The following MYOG variants were observed in gnomAD, a reference collection of about 807,000 sequenced individuals.
MYOG encodes the protein myogenin.
MYOG carries 6 observed loss-of-function variants against 17.7 expected under a neutral mutation model. The observed-to-expected ratio is 0.34, with a 90% CI of 0.19 to 0.67. The LOEUF (loss-of-function observed/expected upper bound fraction) is 0.67, where lower values mean the gene tolerates loss of function less well. Among genes scored for constraint, MYOG ranks in the 30% least tolerant of loss-of-function variants. The pLI, the probability that MYOG is intolerant of heterozygous loss-of-function variation, is 0.69. For missense variants in MYOG, 272 were observed against 302.0 expected (o/e 0.90, Z 0.74); for synonymous variants, 125 against 130.2 (o/e 0.96, Z 0.27).
rs1653557278 is a variant in MYOG, at chr1:203,083,950, T to A, written c.635A>T (p.Asp212Val). The change falls in exon 3 of 3, where the codon GAT becomes GTT. Residue 212 changes from aspartate to valine, a missense_variant. Transcript: ENST00000241651. ...TTCATCTGGGAAGGCCACAGACACA[T>A]CTTCCACTGTGATGCTGTCCACGAT... ...TSIVDSITVE[D>V]VSVAFPDETM... 6.3e-7 allele frequency: 1 copy of A among 1,591,622 alleles called. No individual in the cohort carries two copies. Among genetic ancestry groups the A allele is most frequent in the Admixed American group, 1.8e-5 (1 of 56,334 alleles).
rs1373141177 is a variant in MYOG at position 203,083,678 on chromosome 1, G to T, written c.*232C>A. 1 of 628,826 alleles carries T rather than the reference G, an allele frequency of 1.6e-6. No individual in the cohort carries two copies. The highest frequency in any genetic ancestry group is 1.8e-5 in the African/African-American group (1 of 54,678). The allele number at this position is 628,826 out of a possible 1,614,324, so 39.0% of individuals were successfully genotyped here. On this transcript the variant is annotated 3_prime_UTR_variant, in exon 3 of 3. Coordinates refer to ENST00000241651, the MANE Select transcript of MYOG (RefSeq NM_002479.6). ...TCTGGTCCCCTGCTTTACCTCCCTG[G>T]AAAGGGGATGCCCTCTCCTCTAAGG...
chr1:203,084,983 G>A (rs907301370), intron 1 of MYOG, among the ~76,000 whole-genome samples: 36 of 152,222 alleles, frequency 2.4e-4, no homozygotes, highest in African/African-American at 8.7e-4. Flanking sequence ...CCAGCTTAAA[G>A]GGGTCCCTGG....
At position 203,083,388 on chromosome 1, in the gene MYOG, A is replaced by G. The variant is rs758714409; in HGVS notation, c.*522T>C. On this transcript the variant is annotated 3_prime_UTR_variant, in exon 3 of 3. Transcript: ENST00000241651. ...ACATAAAACCACTGGAAGGTTCCCA[A>G]TATTCACTGCAAAAGTTTGGCCCCC... 23 of 301,462 alleles carry G rather than the reference A, an allele frequency of 7.6e-5. No homozygotes were observed. The highest frequency in any genetic ancestry group is 1.5e-4 in the South Asian group (1 of 6,610). The allele number at this position is 301,462 out of a possible 1,614,324, so 18.7% of individuals were successfully genotyped here. A position where few individuals can be genotyped will look rare whatever the true frequency, so the allele number is the denominator to read the frequency against.
chr1:203,083,487 C>T lies in MYOG; in HGVS notation c.*423G>A, dbSNP rs1653538467. The T allele has an allele frequency of 2.4e-6, 1 of 417,618 alleles. No individual in the cohort carries two copies. The highest frequency in any genetic ancestry group is 3.9e-5 in the Admixed American group (1 of 25,736). 25.9% of individuals were successfully genotyped at this position (417,618 alleles called of 1,614,324 possible). The stretch of plus-strand genomic sequence containing the variant: ...ATTCAGGGCAGGCCCAGCCCAGCCA[C>T]TGGCATCGGGAAGAGACCAGAACAG... On this transcript the variant is annotated 3_prime_UTR_variant, in exon 3 of 3. Transcript: ENST00000241651.
At position 203,083,990 on chromosome 1, in the gene MYOG, G is replaced by A. The variant is rs150286922; in HGVS notation, c.595C>T (p.His199Tyr). The A allele has an allele frequency of 1.8e-5, 28 of 1,594,832 alleles. No homozygotes were observed. Among genetic ancestry groups the A allele is most frequent in the East Asian group, 4.5e-5 (2 of 44,436 alleles). The part of the protein sequence containing the change: ...TADPTDAHNL[H>Y]SLTSIVDSIT... ...CTGTCCACGATGGAGGTGAGGGAGT[G>A]CAGGTTGTGGGCATCTGTAGGGTCA... The change falls in exon 3 of 3, where the codon CAC becomes TAC. Residue 199 changes from histidine to tyrosine, a missense_variant. His to Tyr is a moderately conservative substitution (Grantham distance 83). Coordinates refer to ENST00000241651, the MANE Select transcript of MYOG (RefSeq NM_002479.6).
chr1:203,083,495 G>A lies in MYOG; in HGVS notation c.*415C>T, dbSNP rs567315421. The A allele has an allele frequency of 1.1e-4, 46 of 419,240 alleles. No homozygotes were observed. In the Admixed American group the frequency reaches 1.2e-3, roughly 11 times the overall value. 26.0% of individuals were successfully genotyped at this position (419,240 alleles called of 1,614,324 possible). Reference sequence around the variant, plus strand: ...CAGGCCCAGCCCAGCCACTGGCATCGGGAAGAGACCAGAACAGGAGACGTG... The same window carrying A: ...CAGGCCCAGCCCAGCCACTGGCATCAGGAAGAGACCAGAACAGGAGACGTG... On this transcript the variant is annotated 3_prime_UTR_variant, in exon 3 of 3. Transcript: ENST00000241651.
In MYOG at chr1:203,083,830, A is replaced by G; in HGVS notation, c.*80T>C. 6.5e-7 allele frequency: 1 copy of G among 1,544,870 alleles called. No individual in the cohort carries two copies. Among genetic ancestry groups the G allele is most frequent in the South Asian group, 1.2e-5 (1 of 82,948 alleles). ...TCCTAGCATCAGGGCAGCCTGGCTT[A>G]GGAGGCCCCTGCTACAGAAGTAGTG... On this transcript the variant is annotated 3_prime_UTR_variant, in exon 3 of 3. Coordinates refer to ENST00000241651, the MANE Select transcript of MYOG (RefSeq NM_002479.6).
rs760508090 is a variant in MYOG at position 203,085,905 on chromosome 1, C to T, written c.57G>A (p.Gly19=). 35 of 1,610,324 alleles carry T rather than the reference C, an allele frequency of 2.2e-5. No homozygotes were observed. The highest frequency in any genetic ancestry group is 3.0e-5 in the Non-Finnish European group (35 of 1,178,546). ...YFYQEPRFYD[G]ENYLPVHLQG... ...GGAGGTGGACAGGCAGGTAGTTTTC[C>T]CCATCATAGAAGCGGGGTTCCTGGT... Residue 19 remains glycine, a synonymous_variant, in exon 1 of 3, where the codon GGG becomes GGA. Coordinates refer to ENST00000241651, the MANE Select transcript of MYOG (RefSeq NM_002479.6).
rs1653555120 is a variant in MYOG, at chr1:203,083,913, G to A, written c.672C>T (p.Asn224=). 1.9e-6 allele frequency: 3 copies of A among 1,589,072 alleles called. No individual in the cohort carries two copies. The highest frequency in any genetic ancestry group is 1.1e-5 in the South Asian group (1 of 87,018). The change falls in exon 3 of 3, where the codon AAC becomes AAT. Residue 224 remains asparagine (N), a synonymous_variant. Coordinates refer to ENST00000241651, the MANE Select transcript of MYOG (RefSeq NM_002479.6). The part of the protein sequence containing the change: ...SVAFPDETMP[N] ...ATGCCCGGCTTGGAAGACAATCTCA[G>A]TTGGGCATGGTTTCATCTGGGAAGG...
Position 203,083,736 on chromosome 1 carries a change from TG to T in MYOG, c.*173del, listed in dbSNP as rs1433537492. 1.5e-5 allele frequency: 14 copies of T among 954,140 alleles called. No individual in the cohort carries two copies. The highest frequency in any genetic ancestry group is 7.5e-5 in the Admixed American group (3 of 39,776). The allele number at this position is 954,140 out of a possible 1,614,324, so 59.1% of individuals were successfully genotyped here. A position where few individuals can be genotyped will look rare whatever the true frequency, so the allele number is the denominator to read the frequency against. On this transcript the variant is annotated 3_prime_UTR_variant, in exon 3 of 3. Transcript: ENST00000241651. ...TGAATGAGGGCGTCCAGTCCCTTGC[TG>T]GGGGGTGGGTTAACCTTACATGGAT... is the stretch of plus-strand genomic sequence containing the variant.
In MYOG at chr1:203,083,602, A is replaced by G. The variant is rs902812647; in HGVS notation, c.*308T>C. 9 of 534,280 alleles carry G rather than the reference A, an allele frequency of 1.7e-5. No individual in the cohort carries two copies. The highest frequency in any genetic ancestry group is 5.6e-5 in the East Asian group (2 of 35,592). The allele number at this position is 534,280 out of a possible 1,614,324, so 33.1% of individuals were successfully genotyped here. On this transcript the variant is annotated 3_prime_UTR_variant, in exon 3 of 3. Transcript: ENST00000241651. ...GAATTAGAGGCCGCGTTATGATAAA[A>G]AGGAAGCTCCTGAGTTTGCCCCCTG...
rs970704623 is a variant in MYOG, at chr1:203,085,545, G to A, written c.417C>T (p.Leu139=). 1 of 1,614,142 alleles carries A rather than the reference G, an allele frequency of 6.2e-7. No individual in the cohort carries two copies. Among genetic ancestry groups the A allele is most frequent in the South Asian group, 1.1e-5 (1 of 91,090 alleles). ...IERLQALLSS[L]NQEERDLRYR... is the part of the protein sequence containing the mutation. ...AGCGGAGGTCACGCTCCTCCTGGTT[G>A]AGGGAGCTGAGCAGGGCCTGGAGGC... Residue 139 remains leucine, a synonymous_variant, in exon 1 of 3, where the codon CTC becomes CTT. Coordinates refer to ENST00000241651, the MANE Select transcript of MYOG (RefSeq NM_002479.6).
At position 203,084,055 on chromosome 1, in the gene MYOG, G is replaced by T. The variant is rs781057906; in HGVS notation, c.554-24C>A. 19 of 1,588,890 alleles carry T rather than the reference G, an allele frequency of 1.2e-5. No individual in the cohort carries two copies. In the Admixed American group the frequency reaches 3.4e-4, roughly 28 times the overall value. On this transcript the variant is annotated intron_variant, in intron 2 of 2. Coordinates refer to ENST00000241651, the MANE Select transcript of MYOG (RefSeq NM_002479.6). ...ATCTGTAAGGGGAGGTGGGAAGGTGGTACCTGGGTGAGCAGTGGGGGTTCT... is the reference window on the plus strand; with the variant it reads ...ATCTGTAAGGGGAGGTGGGAAGGTGTTACCTGGGTGAGCAGTGGGGGTTCT...
At position 203,085,787 on chromosome 1, in the gene MYOG, C is replaced by T. The variant is rs747439725; in HGVS notation, c.175G>A (p.Glu59Lys). ...GGCAGGCACTGGCCTGGACAGTGCT[C>T]GGGGGTCCCCAGCCCCTTGTCCTCA... ...PLEDKGLGTP[E>K]HCPGQCLPWA... is the part of the protein sequence containing the mutation. The change falls in exon 1 of 3, where the codon GAG becomes AAG. Residue 59 changes from glutamate (E) to lysine (K), a missense_variant. Transcript: ENST00000241651. 1.2e-5 allele frequency: 20 copies of T among 1,613,718 alleles called. No individual in the cohort carries two copies. Among genetic ancestry groups the T allele is most frequent in the Admixed American group, 1.2e-4 (7 of 59,994 alleles).
Position 203,085,871 on chromosome 1 carries a change from C to T in MYOG, c.91G>A (p.Glu31Lys), listed in dbSNP as rs768292063. The T allele has an allele frequency of 1.9e-5, 30 of 1,613,786 alleles. No individual in the cohort carries two copies. The highest frequency in any genetic ancestry group is 1.8e-4 in the Admixed American group (11 of 59,964). The change falls in exon 1 of 3, where the codon GAA becomes AAA. Residue 31 changes from glutamate to lysine, a missense_variant. Physicochemically the swap from Glu to Lys is moderately conservative, Grantham distance 56 (BLOSUM62 1). Transcript: ENST00000241651. ...NYLPVHLQGFEPPGYERTELT... is the reference protein window; with the variant it reads ...NYLPVHLQGFKPPGYERTELT... ...TCCGTCCGCTCGTAGCCTGGTGGTT[C>T]GAAGCCCTGGAGGTGGACAGGCAGG... is the stretch of plus-strand genomic sequence containing the variant.
intron 2 of MYOG, among the ~76,000 whole-genome samples, 159 bp from the exon 3 acceptor site, chr1:203,084,190 C>CTGTG (rs1179050983): frequency 2.6e-4 from 19 of 73,942 alleles, no homozygotes; most frequent in African/African-American, 8.9e-4. Context: ...TCCCCATGCT[C>CTGTG]TGTGAGTGTG....
At chr1:203,085,380 C>T in intron 1 of MYOG, 111 bp downstream of exon 1, 1 of 1,030,120 alleles carries the variant, frequency 9.7e-7, no homozygotes, top group South Asian at 1.7e-5. Context: ...CCCCTCGACC[C>T]TGTCTGGCAC....
At position 203,083,377 on chromosome 1, in the gene MYOG, G is replaced by T. The variant is rs1278368096; in HGVS notation, c.*533C>A. The T allele has an allele frequency of 3.6e-6, 1 of 278,444 alleles. No individual in the cohort carries two copies. The highest frequency in any genetic ancestry group is 6.6e-6 in the Non-Finnish European group (1 of 150,566). The allele number at this position is 278,444 out of a possible 1,614,324, so 17.2% of individuals were successfully genotyped here. A position where few individuals can be genotyped will look rare whatever the true frequency, so the allele number is the denominator to read the frequency against. On this transcript the variant is annotated 3_prime_UTR_variant, in exon 3 of 3. Coordinates refer to ENST00000241651, the MANE Select transcript of MYOG (RefSeq NM_002479.6). The stretch of plus-strand genomic sequence containing the variant: ...AACAAAACAAAACATAAAACCACTG[G>T]AAGGTTCCCAATATTCACTGCAAAA...
In MYOG at chr1:203,083,591, G is replaced by A. The variant is rs554632113; in HGVS notation, c.*319C>T. On this transcript the variant is annotated 3_prime_UTR_variant, in exon 3 of 3. Transcript: ENST00000241651. ...CTTGGGGGGTGGAATTAGAGGCCGC[G>A]TTATGATAAAAAGGAAGCTCCTGAG... The A allele has an allele frequency of 2.6e-4, 141 of 532,238 alleles. 5 individuals carry two copies. The highest frequency in any genetic ancestry group is 4.7e-4 in the Admixed American group (15 of 32,198). 33.0% of individuals were successfully genotyped at this position (532,238 alleles called of 1,614,324 possible).
Sources: gnomAD v4.1 joint callset for allele counts (sites outside exome capture counted in the v4.1 genomes callset) on GRCh38, gnomAD v4.1.1 for gene constraint, MANE v1.5 for transcripts, NCBI Gene and HGNC (gene_info 2026-07-23, HGNC 2026-07-21) for gene names.